Variants in COL10A1 observed in about 807,000 individuals in gnomAD.
The protein encoded by COL10A1 is collagen alpha-1(X) chain.
In COL10A1, 10 loss-of-function variants were observed where a neutral mutation model predicts 18.2. The observed-to-expected ratio is 0.55, with a 90% CI of 0.34 to 0.93. COL10A1 has a LOEUF of 0.93. Ranked by LOEUF, COL10A1 falls within the 40% of genes least tolerant of loss-of-function variation. The pLI is 0.02. For synonymous variants in COL10A1, 330 were observed against 316.6 expected (o/e 1.04, Z -0.45); for missense variants, 897 against 853.5 (o/e 1.05, Z -0.64).
At chr6:116,162,162 C>T (rs937106683), upstream of COL10A1, among the ~76,000 whole-genome samples, 11 of 152,026 alleles carry the variant, frequency 7.2e-5, no homozygotes, top group East Asian at 2.1e-3. Flanking sequence ...TTGATTAGGT[C>T]CAGGAGTCTT....
the COL10A1 span, among the ~76,000 whole-genome samples, chr6:116,165,289 G>A: frequency 6.6e-6 from 1 of 152,000 alleles, no homozygotes; most frequent in South Asian, 2.1e-4. Context: ...CATTGACCTT[G>A]GATAGTCTGA....
At chr6:116,203,850 A>G in the COL10A1 span, among the ~76,000 whole-genome samples, 34 of 151,992 alleles carry the variant, frequency 2.2e-4, 1 homozygote, top group East Asian at 6.2e-3. Context: ...TTATATTCTC[A>G]ATATCTTCAC....
intron 1 of COL10A1, among the ~76,000 whole-genome samples, chr6:116,137,856 C>T (rs1393226074): frequency 6.6e-6 from 1 of 152,036 alleles, no homozygotes; most frequent in Non-Finnish European, 1.5e-5. Flanking sequence ...CCGAGGCAGA[C>T]GAATCACAAG....
chr6:116,159,260 C>T (rs991342963), upstream of COL10A1, among the ~76,000 whole-genome samples: 5 of 151,962 alleles, frequency 3.3e-5, no homozygotes, highest in African/African-American at 9.7e-5. Context: ...ATTGATTTCA[C>T]CGTATGAGGT....
chr6:116,123,284 G>C (rs753691878), intron 2 of COL10A1, among the ~76,000 whole-genome samples: 1 of 152,130 alleles, frequency 6.6e-6, no homozygotes, highest in Non-Finnish European at 1.5e-5. Flanking sequence ...TTGTCACTTG[G>C]AATGTTGTCC....
Position 116,135,872 on chromosome 6 carries a change from T to TATACACACAC in COL10A1, c.-15-10366_-15-10365insGTGTGTGTAT, listed in dbSNP as rs368675402. Among the ~76,000 whole-genome samples, 72 of 121,270 alleles carry TATACACACAC rather than the reference T, an allele frequency of 5.9e-4. 2 individuals carry two copies. Among genetic ancestry groups the TATACACACAC allele is most frequent in the African/African-American group, 2.4e-3 (67 of 28,394 alleles). 79.6% of individuals were successfully genotyped at this position (121,270 alleles called of 152,430 possible). On this transcript the variant is annotated intron_variant, in intron 1 of 1. Coordinates refer to the COL10A1 transcript ENST00000418500. ...ATATATATATATATATATATATATA[T>TATACACACAC]ACACACATACACACACATTGCTAAA... is the stretch of plus-strand genomic sequence containing the variant.
intron 1 of COL10A1, among the ~76,000 whole-genome samples, chr6:116,138,861 A>G (rs551948465): frequency 6.6e-6 from 1 of 152,266 alleles, no homozygotes; most frequent in South Asian, 2.1e-4. Flanking sequence ...TAGATAGTGA[A>G]TATTTTTTCA....
At chr6:116,123,249 T>G (rs1431248320) in intron 2 of COL10A1, among the ~76,000 whole-genome samples, 1 of 152,150 alleles carries the variant, frequency 6.6e-6, no homozygotes, top group Non-Finnish European at 1.5e-5. Flanking sequence ...CATCCGAGAC[T>G]GGAACTCCAG....
upstream of COL10A1, among the ~76,000 whole-genome samples, chr6:116,127,303 T>C (rs1476377512): frequency 6.6e-6 from 1 of 152,192 alleles, no homozygotes; most frequent in Non-Finnish European, 1.5e-5. Flanking sequence ...AAACAAAGCC[T>C]TGTATAGCCC....
At chr6:116,203,327 A>G in the COL10A1 span, among the ~76,000 whole-genome samples, 2 of 151,990 alleles carry the variant, frequency 1.3e-5, no homozygotes, top group African/African-American at 4.8e-5. Context: ...AAATGTGAAC[A>G]TATTTTCAGC....
the COL10A1 span, among the ~76,000 whole-genome samples, chr6:116,179,813 T>C: frequency 6.6e-6 from 1 of 152,104 alleles, no homozygotes; most frequent in Non-Finnish European, 1.5e-5. Context: ...AGTAATCTTA[T>C]TTCTTTTGGA....
the COL10A1 span, among the ~76,000 whole-genome samples, chr6:116,175,769 G>C: frequency 6.6e-6 from 1 of 152,028 alleles, no homozygotes; most frequent in African/African-American, 2.4e-5. Context: ...TATTTCCATA[G>C]TTTTAATTGA....
upstream of COL10A1, among the ~76,000 whole-genome samples, chr6:116,159,867 T>A (rs894360664): frequency 2.6e-5 from 4 of 152,228 alleles, no homozygotes; most frequent in African/African-American, 9.6e-5. Context: ...CATGCGATAT[T>A]TGTTTTTTTG....
At chr6:116,214,390 T>A in the COL10A1 span, among the ~76,000 whole-genome samples, 1 of 152,320 alleles carries the variant, frequency 6.6e-6, no homozygotes, top group East Asian at 1.9e-4. Context: ...AGCATTTTTA[T>A]CAGATAACGT....
At position 116,121,424 on chromosome 6, in the gene COL10A1, G is replaced by A. The variant is rs1276307956; in HGVS notation, c.692C>T (p.Pro231Leu). The A allele has an allele frequency of 3.1e-6, 5 of 1,614,126 alleles. No homozygotes were observed. The highest frequency in any genetic ancestry group is 4.5e-5 in the East Asian group (2 of 44,868). ...AAAACCTCTATCACCTTTGATGCCT[G>A]GCTGTCCTGGAACCCCATTTTCACC... is the stretch of plus-strand genomic sequence containing the variant. ...KRGENGVPGQ[P>L]GIKGDRGFPG... is the part of the protein sequence containing the mutation. The change falls in exon 3 of 3, where the codon CCA becomes CTA. Residue 231 changes from proline (P) to leucine (L), a missense_variant. Physicochemically the swap from Pro to Leu is moderately conservative, Grantham distance 98 (BLOSUM62 -3). Transcript: ENST00000651968.
chr6:116,120,876 C>T lies in COL10A1; in HGVS notation c.1240G>A (p.Val414Ile), dbSNP rs1348581299. The T allele has an allele frequency of 1.9e-6, 3 of 1,613,814 alleles. No individual in the cohort carries two copies. Among genetic ancestry groups the T allele is most frequent in the Non-Finnish European group, 2.5e-6 (3 of 1,179,922 alleles). The change falls in exon 3 of 3, where the codon GTT (valine) becomes ATT (isoleucine). Residue 414 changes from valine (V) to isoleucine (I), a missense_variant. Physicochemically the swap from Val to Ile is conservative, Grantham distance 29. Transcript: ENST00000651968. ...GLPGPKGDPG[V>I]GGPPGLPGPV... ...CCTGGGAGACCAGGAGGTCCTCCAACTCCAGGATCACCTTTTGGACCTGGT... is the reference window on the plus strand; with the variant it reads ...CCTGGGAGACCAGGAGGTCCTCCAATTCCAGGATCACCTTTTGGACCTGGT...
At position 116,121,049 on chromosome 6, in the gene COL10A1, C is replaced by T. The variant is rs1364999561; in HGVS notation, c.1067G>A (p.Gly356Asp). 5.0e-6 allele frequency: 8 copies of T among 1,614,084 alleles called. No homozygotes were observed. The highest frequency in any genetic ancestry group is 1.6e-4 in the Middle Eastern group (1 of 6,062). Reference sequence around the variant, plus strand: ...TGTCTCACCTTTAGGGCCTGGGAGACCATGGCTACCCGGGATGCCTTTTGG... The same window carrying T: ...TGTCTCACCTTTAGGGCCTGGGAGATCATGGCTACCCGGGATGCCTTTTGG... ...QGPKGIPGSH[G>D]LPGPKGETGP... Residue 356 changes from glycine to aspartate, a missense_variant, in exon 3 of 3, where the codon GGT (glycine) becomes GAT (aspartate). By Grantham distance (94) the Gly-to-Asp change is moderately conservative (BLOSUM62 -1). Transcript: ENST00000651968.
intron 2 of COL10A1, among the ~76,000 whole-genome samples, chr6:116,122,263 G>C (rs935286234): frequency 6.6e-6 from 1 of 152,156 alleles, no homozygotes; most frequent in Non-Finnish European, 1.5e-5. Context: ...GGTAAATTTA[G>C]TACATTTATT....
the COL10A1 span, among the ~76,000 whole-genome samples, chr6:116,206,802 C>T: frequency 1.3e-5 from 2 of 151,934 alleles, no homozygotes; most frequent in Non-Finnish European, 2.9e-5. Flanking sequence ...GTTAATTGGT[C>T]GAAGTCTAGT....
Sources: gnomAD v4.1 joint callset for allele counts (sites outside exome capture counted in the v4.1 genomes callset) on GRCh38, gnomAD v4.1.1 for gene constraint, MANE v1.5 for transcripts, NCBI Gene and HGNC (gene_info 2026-07-23, HGNC 2026-07-21) for gene names.